ANKMY1: variants seen among roughly 807,000 people sequenced by gnomAD.
The protein encoded by ANKMY1 is ankyrin repeat and MYND domain-containing protein 1.
A neutral mutation model predicts 102.0 loss-of-function variants in ANKMY1; 98 were observed. The observed-to-expected ratio is 0.96, with a 90% CI of 0.82 to 1.14. The LOEUF is 1.14. Ranked by LOEUF, ANKMY1 falls within the 50% of genes most tolerant of loss-of-function variation. ANKMY1 has a pLI of 0.00. For missense variants in ANKMY1, 1,330 were observed against 1,347.6 expected, an observed-to-expected ratio of 0.99 and a Z score of 0.20; for synonymous variants, 582 against 559.9, an observed-to-expected ratio of 1.04 and a Z score of -0.56.
chr2:240,552,407 A>G (rs941382357), intron 4 of ANKMY1, among the ~76,000 whole-genome samples: 4 of 152,212 alleles, frequency 2.6e-5, no homozygotes, highest in Admixed American at 6.5e-5. Context: ...TGAAGGAGAC[A>G]TTTATTACAA....
upstream of ANKMY1, among the ~76,000 whole-genome samples, chr2:240,559,780 G>A (rs1312773865): frequency 6.6e-6 from 1 of 152,224 alleles, no homozygotes; most frequent in Non-Finnish European, 1.5e-5. Context: ...CTGCAATAAA[G>A]ATCTGACAGT....
upstream of ANKMY1, chr2:240,560,992 G>C: frequency 1.3e-6 from 2 of 1,544,012 alleles, no homozygotes; most frequent in Non-Finnish European, 1.7e-6. Context: ...CTAGTCTACT[G>C]CAAGAACGGC....
chr2:240,482,384 G>A, intron 15 of ANKMY1, 123 bp from the exon 16 acceptor site: 1 of 828,920 alleles, frequency 1.2e-6, no homozygotes, highest in Non-Finnish European at 1.8e-6. Context: ...CGGATAGGGG[G>A]AAGCAAGCCT....
chr2:240,527,825 T>C (rs966642291), intron 5 of ANKMY1: 3 of 150,848 alleles, frequency 2.0e-5, no homozygotes, highest in African/African-American at 4.9e-5. Flanking sequence ...GGTGTGCTGA[T>C]GGATGAATGG....
chr2:240,520,119 A>T lies in ANKMY1; in HGVS notation c.2004+243T>A. On this transcript the variant is annotated intron_variant, in intron 9 of 17. Coordinates refer to ENST00000401804, the MANE Select transcript of ANKMY1 (RefSeq NM_001282771.3). The surrounding 1 kb of genome is among the most constrained non-coding windows in gnomAD (Gnocchi z 4.8). ...TTAGTTTGCTTCAACACTGGGAAAA[A>T]AATCACACGGATCGTGAAGTACTCT... The T allele has an allele frequency of 2.7e-6, 2 of 728,676 alleles. No homozygotes were observed. Among genetic ancestry groups the T allele is most frequent in the Non-Finnish European group, 5.0e-6 (2 of 403,390 alleles). The allele number at this position is 728,676 out of a possible 1,614,324, so 45.1% of individuals were successfully genotyped here. A position where few individuals can be genotyped will look rare whatever the true frequency, so the allele number is the denominator to read the frequency against.
At chr2:240,486,720 C>G (rs937013314) in intron 15 of ANKMY1, among the ~76,000 whole-genome samples, 2 of 152,132 alleles carry the variant, frequency 1.3e-5, no homozygotes, top group Admixed American at 1.3e-4. Flanking sequence ...CACCATGTTG[C>G]CCAGGCTGGT....
At chr2:240,493,733 G>A (rs976395418) in intron 15 of ANKMY1, among the ~76,000 whole-genome samples, 14 of 152,158 alleles carry the variant, frequency 9.2e-5, no homozygotes, top group Admixed American at 5.2e-4. Flanking sequence ...AGGTGGCAAG[G>A]ATGGGGTAGG....
the ANKMY1 span, among the ~76,000 whole-genome samples, chr2:240,473,912 C>G: frequency 6.6e-6 from 1 of 152,166 alleles, no homozygotes; most frequent in Non-Finnish European, 1.5e-5. Context: ...TAACATTACA[C>G]TCAATAGTGA....
chr2:240,478,481 C>T (rs562056567), downstream of ANKMY1, among the ~76,000 whole-genome samples: 1 of 152,280 alleles, frequency 6.6e-6, no homozygotes, highest in Admixed American at 6.5e-5. Context: ...AGGAACAGCT[C>T]TTGGCGGCAG....
At chr2:240,514,163 G>A (rs540832465) in intron 9 of ANKMY1, among the ~76,000 whole-genome samples, 1 of 152,346 alleles carries the variant, frequency 6.6e-6, no homozygotes, top group African/African-American at 2.4e-5. Context: ...GGGTGAATCA[G>A]GAAATGATTA....
At chr2:240,476,305 T>C (rs907337333), downstream of ANKMY1, among the ~76,000 whole-genome samples, 4 of 152,084 alleles carry the variant, frequency 2.6e-5, no homozygotes, top group Non-Finnish European at 2.9e-5. Context: ...AAGAGAGAAA[T>C]TGGACCCTTA....
At chr2:240,484,476 G>A (rs2075811539) in intron 15 of ANKMY1, among the ~76,000 whole-genome samples, 1 of 152,190 alleles carries the variant, frequency 6.6e-6, no homozygotes, top group East Asian at 1.9e-4. Flanking sequence ...TTAATAAATG[G>A]TGTTGGGAAA....
Position 240,557,360 on chromosome 2 carries a change from C to T in ANKMY1, c.-17-8G>A. 2 of 1,497,632 alleles carry T rather than the reference C, an allele frequency of 1.3e-6. No individual in the cohort carries two copies. The highest frequency in any genetic ancestry group is 2.1e-5 in the Admixed American group (1 of 46,526). The allele number at this position is 1,497,632 out of a possible 1,614,324, so 92.8% of individuals were successfully genotyped here. On this transcript the variant is annotated splice_polypyrimidine_tract_variant and splice_region_variant and intron_variant, in intron 1 of 17. Transcript: ENST00000401804. Reference sequence around the variant, plus strand: ...TGTCTGTGGTCTTCCAACCTGCAAGCGACGTCAGGACCGCACATGTGCCCC... The same window carrying T: ...TGTCTGTGGTCTTCCAACCTGCAAGTGACGTCAGGACCGCACATGTGCCCC...
chr2:240,551,842 T>C (rs2091583407), intron 4 of ANKMY1, among the ~76,000 whole-genome samples: 1 of 152,162 alleles, frequency 6.6e-6, no homozygotes, highest in Non-Finnish European at 1.5e-5. Context: ...CAGATAAACA[T>C]AGAAATTGAC....
intron 4 of ANKMY1, among the ~76,000 whole-genome samples, chr2:240,547,931 G>A (rs1437282350): frequency 6.6e-6 from 1 of 152,146 alleles, no homozygotes; most frequent in Non-Finnish European, 1.5e-5. Flanking sequence ...TTCTACCAGA[G>A]GTACAAGGGG....
chr2:240,495,302 C>T (rs1421916977), intron 15 of ANKMY1, among the ~76,000 whole-genome samples: 2 of 152,170 alleles, frequency 1.3e-5, no homozygotes, highest in African/African-American at 2.4e-5. Flanking sequence ...TACTCCACCA[C>T]CTCTTGTGGA....
Position 240,520,238 on chromosome 2 carries a change from G to A in ANKMY1, c.2004+124C>T, listed in dbSNP as rs2081933344. 7.1e-7 allele frequency: 1 copy of A among 1,402,944 alleles called. No individual in the cohort carries two copies. The highest frequency in any genetic ancestry group is 2.1e-5 in the Admixed American group (1 of 48,642). 86.9% of individuals were successfully genotyped at this position (1,402,944 alleles called of 1,614,324 possible). A position where few individuals can be genotyped will look rare whatever the true frequency, so the allele number is the denominator to read the frequency against. On this transcript the variant is annotated intron_variant, in intron 9 of 17. Transcript: ENST00000401804. The surrounding 1 kb of genome is among the most constrained non-coding windows in gnomAD (Gnocchi z 4.8). ...CTGCGGCGCGCCGTCATCACTCACA[G>A]CCCAGGTGGTCGCCTGCAAGAGCCC... is the stretch of plus-strand genomic sequence containing the variant.
chr2:240,468,759 C>T, the ANKMY1 span, among the ~76,000 whole-genome samples: 1 of 152,196 alleles, frequency 6.6e-6, no homozygotes, highest in African/African-American at 2.4e-5. Flanking sequence ...ACTGGGACCT[C>T]CAGGCCCCTT....
chr2:240,524,444 C>T lies in ANKMY1; in HGVS notation c.1336-63G>A. 4 of 1,523,622 alleles carry T rather than the reference C, an allele frequency of 2.6e-6. No individual in the cohort carries two copies. The South Asian group carries it at 3.9e-5, about 15-fold the overall frequency. The allele number at this position is 1,523,622 out of a possible 1,614,324, so 94.4% of individuals were successfully genotyped here. Reference sequence around the variant, plus strand: ...TGGAGTGATAACCTCATTCTAGGACCTTCTTCAGCAAGGACCAATGCCCGT... The same window carrying T: ...TGGAGTGATAACCTCATTCTAGGACTTTCTTCAGCAAGGACCAATGCCCGT... On this transcript the variant is annotated intron_variant, in intron 7 of 17. Transcript: ENST00000401804.
Sources: allele counts gnomAD v4.1 joint callset (sites outside exome capture counted in the v4.1 genomes callset), GRCh38; gene constraint gnomAD v4.1.1; non-coding constraint Gnocchi (gnomAD v3.1); transcripts MANE v1.5; gene names NCBI Gene and HGNC (gene_info 2026-07-23, HGNC 2026-07-21).